Variants in PRKCD observed in about 807,000 individuals in gnomAD.
PRKCD encodes protein kinase C delta, also known as protein kinase C delta type.
A neutral mutation model predicts 82.2 loss-of-function variants in PRKCD; 20 were observed. The observed-to-expected ratio is 0.24, with a 90% CI of 0.17 to 0.35. PRKCD has a LOEUF of 0.35. PRKCD is among the 10% of genes least tolerant of loss of function. The pLI, the probability that PRKCD is intolerant of heterozygous loss-of-function variation, is 1.00. For synonymous variants in PRKCD, 317 were observed against 337.0 expected, an observed-to-expected ratio of 0.94 and a Z score of 0.65; for missense variants, 607 against 899.0, an observed-to-expected ratio of 0.68 and a Z score of 4.15.
intron 2 of PRKCD, among the ~76,000 whole-genome samples, chr3:53,175,033 G>A (rs1375279044): frequency 1.3e-5 from 2 of 152,218 alleles, no homozygotes; most frequent in Non-Finnish European, 2.9e-5. Context: ...CCTCCATGCA[G>A]TCCTGGGGTG....
intron 2 of PRKCD, chr3:53,173,663 T>C (rs1301944217): frequency 6.6e-6 from 1 of 152,114 alleles, no homozygotes; most frequent in Non-Finnish European, 1.5e-5. Flanking sequence ...TGTATTTTAG[T>C]AGAGAAGGGG....
At chr3:53,189,374 T>C in intron 17 of PRKCD, 128 bp downstream of exon 17, 1 of 982,714 alleles carries the variant, frequency 1.0e-6, no homozygotes, top group Non-Finnish European at 1.5e-6. Flanking sequence ...AGTCCTAACA[T>C]ACGGGGTATT....
At chr3:53,183,744 G>A (rs1292564095) in intron 9 of PRKCD, among the ~76,000 whole-genome samples, 163 bp downstream of exon 9, 1 of 152,240 alleles carries the variant, frequency 6.6e-6, no homozygotes, top group Admixed American at 6.5e-5. Context: ...CCACTGGCCT[G>A]ACTGGCTCTG....
intron 9 of PRKCD, among the ~76,000 whole-genome samples, chr3:53,184,374 C>G (rs1207816733): frequency 2.8e-5 from 4 of 144,760 alleles, no homozygotes; most frequent in African/African-American, 1.0e-4. Context: ...CAACAAAAAT[C>G]ATGAAAGATT....
chr3:53,185,004 C>G, intron 10 of PRKCD, 30 bp downstream of exon 10: 2 of 1,591,550 alleles, frequency 1.3e-6, no homozygotes, highest in South Asian at 2.2e-5. Context: ...ACCCTGGACA[C>G]AGGGCAGTGG....
intron 2 of PRKCD, among the ~76,000 whole-genome samples, chr3:53,175,840 C>A (rs966785030): frequency 2.6e-5 from 4 of 152,226 alleles, no homozygotes; most frequent in African/African-American, 9.6e-5. Flanking sequence ...GGTGCTGGAT[C>A]TCTTGGACCC....
intron 10 of PRKCD, 152 bp downstream of exon 10, chr3:53,185,126 A>G: frequency 2.9e-6 from 2 of 679,900 alleles, no homozygotes; most frequent in Non-Finnish European, 5.0e-6. Flanking sequence ...TTTAGGCAGC[A>G]GAGGGAGGGG....
chr3:53,186,158 C>A lies in PRKCD; in HGVS notation c.1087-9C>A, dbSNP rs200795146. The stretch of plus-strand genomic sequence containing the variant: ...CCTCACCTGCTCAGCACCCGTGTCT[C>A]CCCATCAGGTGCTGCTTGGAGAGCT... On this transcript the variant is annotated splice_polypyrimidine_tract_variant and intron_variant, in intron 12 of 18. Transcript: ENST00000330452. The A allele has an allele frequency of 6.2e-7, 1 of 1,613,042 alleles. No individual in the cohort carries two copies. The highest frequency in any genetic ancestry group is 2.2e-5 in the East Asian group (1 of 44,856).
chr3:53,185,853 C>A (rs1703658271), intron 11 of PRKCD, 74 bp from the exon 12 acceptor site: 1 of 1,566,382 alleles, frequency 6.4e-7, no homozygotes, highest in Admixed American at 1.7e-5. Context: ...TTCCCCCAGC[C>A]TACCCCAGGC....
At chr3:53,178,693 A>G (rs1231574381) in intron 3 of PRKCD, among the ~76,000 whole-genome samples, 156 bp downstream of exon 3, 1 of 152,236 alleles carries the variant, frequency 6.6e-6, no homozygotes, top group Non-Finnish European at 1.5e-5. Flanking sequence ...GGCAGAGGCC[A>G]CTGAGTCGCT....
At position 53,181,480 on chromosome 3, in the gene PRKCD, A is replaced by G. The variant is rs782626105; in HGVS notation, c.413A>G (p.Lys138Arg). ...TCTATGCGCAGTGAGGACGAGGCCA[A>G]GTTCCCAACGATGAACCGCCGCGGA... Reference protein sequence around the residue: ...KQSMRSEDEAKFPTMNRRGAI... With the variant: ...KQSMRSEDEARFPTMNRRGAI... The change falls in exon 6 of 19, where the codon AAG becomes AGG. Residue 138 changes from lysine to arginine, a missense_variant. Coordinates refer to ENST00000330452, the MANE Select transcript of PRKCD (RefSeq NM_006254.4). 6 of 1,614,082 alleles carry G rather than the reference A, an allele frequency of 3.7e-6. No individual in the cohort carries two copies. In the East Asian group the frequency reaches 6.7e-5, roughly 18 times the overall value.
At position 53,181,830 on chromosome 3, in the gene PRKCD, G is replaced by T. The variant is rs1553667635; in HGVS notation, c.571+98G>T. On this transcript the variant is annotated intron_variant, in intron 7 of 18. Transcript: ENST00000330452. ...GCCAGTGCCTGTGTGCGCTCAGAGA[G>T]TGTATGCACGTGAGTTTTCCCAGTG... The T allele has an allele frequency of 1.9e-6, 3 of 1,543,206 alleles. No homozygotes were observed. The African/African-American group carries it at 4.1e-5, about 21-fold the overall frequency.
At chr3:53,168,245 G>A (rs1553664217) in intron 2 of PRKCD, among the ~76,000 whole-genome samples, 1 of 152,214 alleles carries the variant, frequency 6.6e-6, no homozygotes, top group African/African-American at 2.4e-5. Context: ...AAGAGTAGGG[G>A]GAGCTAGAAA....
At chr3:53,189,342 A>G (rs1160530021) in intron 17 of PRKCD, 96 bp downstream of exon 17, 2 of 1,317,450 alleles carry the variant, frequency 1.5e-6, no homozygotes, top group African/African-American at 1.5e-5. Context: ...TGTCTCTGGA[A>G]TGGCAGCCTC....
chr3:53,183,032 A>AG, intron 7 of PRKCD, 89 bp from the exon 8 acceptor site: 4 of 1,330,812 alleles, frequency 3.0e-6, no homozygotes, highest in African/African-American at 1.4e-5. Context: ...CTTTGTGTAG[A>AG]GGGCTAGACT....
Position 53,189,945 on chromosome 3 carries a change from A to G in PRKCD, c.1816A>G (p.Ile606Val), listed in dbSNP as rs782747089. ...NIKIHPFFKT[I>V]NWTLLEKRRL... is the part of the protein sequence containing the mutation. The stretch of plus-strand genomic sequence containing the variant: ...CAAAATCCACCCCTTCTTCAAGACC[A>G]TAAACTGGACTCTGCTGGAAAAGCG... The change falls in exon 18 of 19, where the codon ATA becomes GTA. Residue 606 changes from isoleucine to valine, a missense_variant. Coordinates refer to ENST00000330452, the MANE Select transcript of PRKCD (RefSeq NM_006254.4). 1 of 1,614,202 alleles carries G rather than the reference A, an allele frequency of 6.2e-7. No homozygotes were observed. Among genetic ancestry groups the G allele is most frequent in the South Asian group, 1.1e-5 (1 of 91,086 alleles).
chr3:53,181,739 G>T lies in PRKCD; in HGVS notation c.571+7G>T. ...CAAGGCTACAAATGCAGGCGTAAGT[G>T]TCTCCACAGGCCAGTTTGTACGTAT... On this transcript the variant is annotated splice_region_variant and intron_variant, in intron 7 of 18. Coordinates refer to ENST00000330452, the MANE Select transcript of PRKCD (RefSeq NM_006254.4). 6.2e-7 allele frequency: 1 copy of T among 1,614,196 alleles called. No individual in the cohort carries two copies. The highest frequency in any genetic ancestry group is 8.5e-7 in the Non-Finnish European group (1 of 1,180,024).
chr3:53,177,967 C>T (rs868943299), intron 2 of PRKCD, among the ~76,000 whole-genome samples: 20 of 132,006 alleles, frequency 1.5e-4, no homozygotes, highest in East Asian at 2.1e-4. Flanking sequence ...TTTTTTGAGA[C>T]GGAGTTTGGC....
intron 7 of PRKCD, among the ~76,000 whole-genome samples, chr3:53,182,198 G>A (rs1553667832): frequency 6.6e-6 from 1 of 152,192 alleles, no homozygotes; most frequent in East Asian, 1.9e-4. Flanking sequence ...TTGAATCCCA[G>A]CTCTACCACT....
Sources: gnomAD v4.1 joint callset for allele counts (sites outside exome capture counted in the v4.1 genomes callset) on GRCh38, gnomAD v4.1.1 for gene constraint, MANE v1.5 for transcripts, NCBI Gene and HGNC (gene_info 2026-07-23, HGNC 2026-07-21) for gene names.